Variants in KLB observed in about 807,000 individuals in gnomAD.
KLB encodes klotho beta, also known as beta-klotho.
In KLB, 44 loss-of-function variants were observed where a neutral mutation model predicts 88.4. The observed-to-expected ratio is 0.50, with a 90% CI of 0.39 to 0.64. The LOEUF is 0.64. Among genes scored for constraint, KLB ranks in the 30% least tolerant of loss-of-function variants. The probability of loss-of-function intolerance (pLI) is 0.00; values close to 1 mark genes in which losing one functional copy is unlikely to be tolerated. For missense variants in KLB, 1,137 were observed against 1,304.8 expected (o/e 0.87, Z 1.98); for synonymous variants, 548 against 513.4 (o/e 1.07, Z -0.91).
chr4:39,434,024 G>C (rs1434567652), intron 1 of KLB, among the ~76,000 whole-genome samples, 186 bp from the exon 2 acceptor site: 1 of 152,170 alleles, frequency 6.6e-6, no homozygotes, highest in African/African-American at 2.4e-5. Context: ...TCCTGTAGCA[G>C]AAGTTTTAGG....
intron 1 of KLB, among the ~76,000 whole-genome samples, chr4:39,426,957 G>A (rs554453860): frequency 1.3e-5 from 2 of 152,244 alleles, no homozygotes; most frequent in Non-Finnish European, 2.9e-5. Flanking sequence ...CCAAAGTGCT[G>A]AGAGTACAGA....
chr4:39,437,909 G>T lies in KLB; in HGVS notation c.1519G>T (p.Gly507Cys), dbSNP rs1457679993. Residue 507 changes from glycine (G) to cysteine (C), a missense_variant, in exon 3 of 5, where the codon GGT (glycine) becomes TGT (cysteine). Coordinates refer to ENST00000257408, the MANE Select transcript of KLB (RefSeq NM_175737.4). ...HYYKQIIREN[G>C]FSLKESTPDV... ...CTACAAACAGATCATACGAGAAAAT[G>T]GTTTTTCTTTAAAAGAGTCCACGCC... is the stretch of plus-strand genomic sequence containing the variant. 6.2e-7 allele frequency: 1 copy of T among 1,614,048 alleles called. No homozygotes were observed.
At chr4:39,439,959 C>T (rs1245468871) in intron 3 of KLB, among the ~76,000 whole-genome samples, 5 of 151,568 alleles carry the variant, frequency 3.3e-5, no homozygotes, top group African/African-American at 7.3e-5. Context: ...TGAGCCACCA[C>T]GCCCAGCCAA....
rs951400838 is a variant in KLB at position 39,407,192 on chromosome 4, C to T, written c.243C>T (p.Phe81=). 1.2e-6 allele frequency: 2 copies of T among 1,614,094 alleles called. No individual in the cohort carries two copies. Among genetic ancestry groups the T allele is most frequent in the Non-Finnish European group, 8.5e-7 (1 of 1,179,998 alleles). The part of the protein sequence containing the change: ...NESQLFLYDT[F]PKNFFWGIGT... ...GTCAGCTGTTTCTCTATGACACTTTCCCTAAAAACTTTTTCTGGGGTATTG... is the reference window on the plus strand; with the variant it reads ...GTCAGCTGTTTCTCTATGACACTTTTCCTAAAAACTTTTTCTGGGGTATTG... The change falls in exon 1 of 5, where the codon TTC becomes TTT. Residue 81 remains phenylalanine, a synonymous_variant. Transcript: ENST00000257408.
chr4:39,423,561 T>C (rs367958064), intron 1 of KLB, among the ~76,000 whole-genome samples: 1 of 151,844 alleles, frequency 6.6e-6, no homozygotes, highest in East Asian at 1.9e-4. Flanking sequence ...AAATCCCAGC[T>C]CTGCAACTGT....
chr4:39,446,033 C>T lies in KLB; in HGVS notation c.1606-299C>T, dbSNP rs991100649. Among the ~76,000 whole-genome samples, 2 of 152,142 alleles carry T rather than the reference C, an allele frequency of 1.3e-5. No homozygotes were observed. The highest frequency in any genetic ancestry group is 2.9e-5 in the Non-Finnish European group (2 of 68,028). On this transcript the variant is annotated intron_variant, in intron 3 of 4. Transcript: ENST00000257408. The surrounding 1 kb of genome is among the most constrained non-coding windows in gnomAD (Gnocchi z 6.4). ...TTGCTTTTAATTGAGTGTACCAAGC[C>T]AATTTCCTGATGCATTTGAACAGAA...
rs1259513946 is a variant in KLB, at chr4:39,451,061, C to T, written c.*2375C>T. The T allele has an allele frequency of 6.6e-6, 1 of 152,138 alleles. No individual in the cohort carries two copies. Among genetic ancestry groups the T allele is most frequent in the Non-Finnish European group, 1.5e-5 (1 of 68,020 alleles). The allele number at this position is 152,138 out of a possible 1,614,324, so 9.4% of individuals were successfully genotyped here. ...ACTTGCTGGTTTACCATAAACTCCC[C>T]TAAGTAATAAAATTCCTAACCCAGT... On this transcript the variant is annotated 3_prime_UTR_variant, in exon 5 of 5. Transcript: ENST00000257408.
At position 39,407,429 on chromosome 4, in the gene KLB, C is replaced by G; in HGVS notation, c.480C>G (p.Pro160=). ...CAATTTCCTGGCCAAGGCTTTTCCCCGATGGAATAGTAACAGTTGCCAACG... is the reference window on the plus strand; with the variant it reads ...CAATTTCCTGGCCAAGGCTTTTCCCGGATGGAATAGTAACAGTTGCCAACG... ...QFSISWPRLF[P]DGIVTVANAK... is the part of the protein sequence containing the mutation. The change falls in exon 1 of 5, where the codon CCC becomes CCG. Residue 160 remains proline, a synonymous_variant. Coordinates refer to ENST00000257408, the MANE Select transcript of KLB (RefSeq NM_175737.4). The G allele has an allele frequency of 6.2e-7, 1 of 1,613,960 alleles. No homozygotes were observed. The highest frequency in any genetic ancestry group is 8.5e-7 in the Non-Finnish European group (1 of 1,179,924).
Position 39,406,960 on chromosome 4 carries a change from G to T in KLB, c.11G>T (p.Gly4Val). The T allele has an allele frequency of 3.1e-6, 5 of 1,607,910 alleles. No individual in the cohort carries two copies. Among genetic ancestry groups the T allele is most frequent in the Non-Finnish European group, 4.3e-6 (5 of 1,175,510 alleles). Residue 4 changes from glycine (G) to valine (V), a missense_variant, in exon 1 of 5, where the codon GGC becomes GTC. Around this residue, in one of 4 missense-constraint regions of KLB, gnomAD observed 111 missense variants for 118.3 expected, o/e 0.94. Transcript: ENST00000257408. MKPGCAAGSPGNEW... is the reference protein window; with the variant it reads MKPVCAAGSPGNEW... ...AGCAGTTGGTGGCAAATGAAGCCAGGCTGTGCGGCAGGATCTCCAGGGAAT... is the reference window on the plus strand; with the variant it reads ...AGCAGTTGGTGGCAAATGAAGCCAGTCTGTGCGGCAGGATCTCCAGGGAAT...
chr4:39,442,501 C>T (rs71606169), intron 3 of KLB, among the ~76,000 whole-genome samples: 1 of 151,028 alleles, frequency 6.6e-6, no homozygotes, highest in Non-Finnish European at 1.5e-5. Context: ...TGGCGCGATC[C>T]CAGCTTACTG....
intron 1 of KLB, among the ~76,000 whole-genome samples, chr4:39,418,395 G>A (rs919319662): frequency 6.6e-5 from 10 of 151,758 alleles, no homozygotes; most frequent in Non-Finnish European, 1.5e-4. Flanking sequence ...GTGAGCCACC[G>A]TGCCAGCTGA....
chr4:39,430,246 G>T (rs1022659436), intron 1 of KLB, among the ~76,000 whole-genome samples: 1 of 152,122 alleles, frequency 6.6e-6, no homozygotes, highest in Non-Finnish European at 1.5e-5. Flanking sequence ...TTTCCAGTTT[G>T]CATAGAGAGG....
intron 1 of KLB, 106 bp from the exon 2 acceptor site, chr4:39,434,104 T>A: frequency 9.3e-7 from 1 of 1,074,914 alleles, no homozygotes; most frequent in Non-Finnish European, 1.4e-6. Context: ...TTCCCCTGAA[T>A]CACTGTACGC....
In KLB at chr4:39,407,087, G is replaced by A; in HGVS notation, c.138G>A (p.Leu46=). ...QRSVILSALI[L]LRAVTGFSGD... ...CTGTCATCCTGTCAGCACTTATTCT[G>A]CTACGAGCTGTTACTGGATTCTCTG... Residue 46 remains leucine (L), a synonymous_variant, in exon 1 of 5, where the codon CTG becomes CTA. Coordinates refer to ENST00000257408, the MANE Select transcript of KLB (RefSeq NM_175737.4). 3.7e-6 allele frequency: 6 copies of A among 1,614,042 alleles called. No homozygotes were observed. Among genetic ancestry groups the A allele is most frequent in the East Asian group, 2.2e-5 (1 of 44,888 alleles).
intron 2 of KLB, 61 bp from the exon 3 acceptor site, chr4:39,437,666 T>C: frequency 1.3e-6 from 2 of 1,513,450 alleles, no homozygotes; most frequent in Non-Finnish European, 1.8e-6. Context: ...TTAGTGAAAT[T>C]GTAAACATGA....
At chr4:39,443,363 C>T (rs1743655886) in intron 3 of KLB, among the ~76,000 whole-genome samples, 1 of 150,534 alleles carries the variant, frequency 6.6e-6, no homozygotes. Flanking sequence ...GACCCTGTCC[C>T]TCCTCCCTAC....
At chr4:39,418,619 C>G (rs1011242260) in intron 1 of KLB, among the ~76,000 whole-genome samples, 8 of 151,900 alleles carry the variant, frequency 5.3e-5, no homozygotes. Context: ...ATCTCCATCA[C>G]GATCTAAGAC....
intron 1 of KLB, among the ~76,000 whole-genome samples, 166 bp from the exon 2 acceptor site, chr4:39,434,044 C>G (rs972206417): frequency 6.6e-6 from 1 of 152,106 alleles, no homozygotes; most frequent in Non-Finnish European, 1.5e-5. Flanking sequence ...GTTGGAAGCA[C>G]TAGGGGCATA....
At chr4:39,443,530 A>G (rs1178546811) in intron 3 of KLB, among the ~76,000 whole-genome samples, 2 of 148,822 alleles carry the variant, frequency 1.3e-5, no homozygotes, top group South Asian at 2.1e-4. Context: ...GTATCACTTG[A>G]GGTCAGGACC....
Sources: gnomAD v4.1 joint callset for allele counts (sites outside exome capture counted in the v4.1 genomes callset) on GRCh38, gnomAD v4.1.1 for gene constraint, gnomAD v4.1.1 regional missense constraint, Gnocchi (gnomAD v3.1) non-coding constraint, MANE v1.5 for transcripts, NCBI Gene and HGNC (gene_info 2026-07-23, HGNC 2026-07-21) for gene names.